The following RAB12 variants were observed in gnomAD, a reference collection of about 807,000 sequenced individuals.
The protein encoded by RAB12 is ras-related protein Rab-12.
A neutral mutation model predicts 28.4 loss-of-function variants in RAB12; 11 were observed. The observed-to-expected ratio is 0.39, with a 90% CI of 0.24 to 0.64. RAB12 has a LOEUF of 0.64. RAB12 is among the 30% of genes least tolerant of loss of function. The probability of loss-of-function intolerance (pLI) is 0.50; values close to 1 mark genes in which losing one functional copy is unlikely to be tolerated. For synonymous variants in RAB12, 138 were observed against 145.3 expected (o/e 0.95, Z 0.36); for missense variants, 276 against 351.1 (o/e 0.79, Z 1.71).
At position 8,639,057 on chromosome 18, in the gene RAB12, G is replaced by A. The variant is rs2096020600; in HGVS notation, c.*795G>A. 7.0e-6 allele frequency: 1 copy of A among 143,600 alleles called. No individual in the cohort carries two copies. Among genetic ancestry groups the A allele is most frequent in the African/African-American group, 2.6e-5 (1 of 38,988 alleles). 8.9% of individuals were successfully genotyped at this position (143,600 alleles called of 1,614,324 possible). ...TTTTACTATATCAAAGAACATACGTGTATTTGCCTAAACACTCTGTACCTT... is the reference window on the plus strand; with the variant it reads ...TTTTACTATATCAAAGAACATACGTATATTTGCCTAAACACTCTGTACCTT... On this transcript the variant is annotated 3_prime_UTR_variant, in exon 6 of 6. Coordinates refer to ENST00000649141, the MANE Select transcript of RAB12 (RefSeq NM_001025300.3).
At chr18:8,611,037 T>A (rs2096003497) in intron 1 of RAB12, among the ~76,000 whole-genome samples, 1 of 152,214 alleles carries the variant, frequency 6.6e-6, no homozygotes, top group South Asian at 2.1e-4. Flanking sequence ...AAGTGAAACC[T>A]CCAATTTTTG....
intron 2 of RAB12, among the ~76,000 whole-genome samples, chr18:8,625,753 T>C (rs2148709359): frequency 6.6e-6 from 1 of 152,358 alleles, no homozygotes; most frequent in Non-Finnish European, 1.5e-5. Flanking sequence ...CGTTTTGTTT[T>C]GAATGCTACA....
chr18:8,630,414 C>T (rs75569973), intron 2 of RAB12, among the ~76,000 whole-genome samples: 2,225 of 152,274 alleles, frequency 0.015, 58 homozygotes, highest in African/African-American at 0.05. Context: ...TAGGTTTTAT[C>T]ATGTAGATGA....
At chr18:8,625,831 A>G (rs902326425) in intron 2 of RAB12, among the ~76,000 whole-genome samples, 3 of 152,086 alleles carry the variant, frequency 2.0e-5, no homozygotes, top group Middle Eastern at 3.2e-3. Context: ...TTTGTCCACC[A>G]TGTGTGTGTT....
intron 4 of RAB12, 43 bp from the exon 5 acceptor site, chr18:8,636,210 G>A (rs1044783348): frequency 1.5e-6 from 2 of 1,368,742 alleles, no homozygotes; most frequent in African/African-American, 2.8e-5. Flanking sequence ...ACGCTGGTCT[G>A]TGAGGCCCCA....
In RAB12 at chr18:8,636,289, G is replaced by A. The variant is rs778063817; in HGVS notation, c.841G>A (p.Ala281Thr). 6.2e-7 allele frequency: 1 copy of A among 1,613,774 alleles called. No homozygotes were observed. Among genetic ancestry groups the A allele is most frequent in the South Asian group, 1.1e-5 (1 of 91,070 alleles). ...QQITGMRFCE[A>T]SAKDNFNVDE... Reference sequence around the variant, plus strand: ...GATCACTGGGATGCGGTTCTGTGAAGCAAGTGCCAAGGATAACTTCAATGT... The same window carrying A: ...GATCACTGGGATGCGGTTCTGTGAAACAAGTGCCAAGGATAACTTCAATGT... Residue 281 changes from alanine (A) to threonine (T), a missense_variant, in exon 5 of 6, where the codon GCA becomes ACA. Physicochemically the swap from Ala to Thr is moderately conservative, Grantham distance 58. Around this residue, in one of 4 missense-constraint regions of RAB12, gnomAD observed 127 missense variants for 161.4 expected, o/e 0.79. Coordinates refer to ENST00000649141, the MANE Select transcript of RAB12 (RefSeq NM_001025300.3).
chr18:8,630,170 G>A (rs1326936151), intron 2 of RAB12, among the ~76,000 whole-genome samples: 1 of 152,222 alleles, frequency 6.6e-6, no homozygotes, highest in Non-Finnish European at 1.5e-5. Flanking sequence ...CTGACAACCT[G>A]TGCCCAAAGT....
At chr18:8,612,560 G>A (rs1359513530) in intron 1 of RAB12, among the ~76,000 whole-genome samples, 1 of 152,244 alleles carries the variant, frequency 6.6e-6, no homozygotes, top group African/African-American at 2.4e-5. Context: ...TCACAGCATG[G>A]CCCAGGGAAG....
intron 1 of RAB12, among the ~76,000 whole-genome samples, chr18:8,620,164 T>TTTTTTTAA (rs1241560251): frequency 1.8e-5 from 1 of 55,348 alleles, no homozygotes; most frequent in African/African-American, 1.0e-4. Context: ...TTTTTTTGCT[T>TTTTTTTAA]CAAAAAAAAA....
chr18:8,611,687 A>C (rs1009506648), intron 1 of RAB12, among the ~76,000 whole-genome samples: 1 of 152,276 alleles, frequency 6.6e-6, no homozygotes, highest in East Asian at 1.9e-4. Flanking sequence ...GCAGAGTTGC[A>C]TAGGATGTTT....
chr18:8,631,145 T>C (rs1303884401), intron 2 of RAB12, among the ~76,000 whole-genome samples: 2 of 152,206 alleles, frequency 1.3e-5, no homozygotes, highest in Non-Finnish European at 2.9e-5. Flanking sequence ...CCACCTCAGC[T>C]TCACAAATTG....
At chr18:8,617,135 C>T (rs1347812562) in intron 1 of RAB12, among the ~76,000 whole-genome samples, 1 of 152,180 alleles carries the variant, frequency 6.6e-6, no homozygotes, top group Non-Finnish European at 1.5e-5. Context: ...ACACTTTCTT[C>T]ACATCTCACA....
chr18:8,622,408 T>G (rs192479681), intron 1 of RAB12, among the ~76,000 whole-genome samples: 1 of 152,216 alleles, frequency 6.6e-6, no homozygotes, highest in Admixed American at 6.5e-5. Context: ...AGAGAGAAAT[T>G]TTAAAGCTGG....
At chr18:8,625,537 C>G (rs1184965566) in intron 2 of RAB12, among the ~76,000 whole-genome samples, 2 of 152,170 alleles carry the variant, frequency 1.3e-5, no homozygotes, top group Non-Finnish European at 2.9e-5. Flanking sequence ...GAAATGAATC[C>G]AGGCCCCTTT....
At chr18:8,636,485 G>T (rs1241074801) in intron 5 of RAB12, 128 bp downstream of exon 5, 3 of 619,324 alleles carry the variant, frequency 4.8e-6, no homozygotes, top group Non-Finnish European at 8.2e-6. Context: ...GCAAGAACCA[G>T]GTATGGTTGT....
At chr18:8,610,492 C>T (rs2096003186) in intron 1 of RAB12, among the ~76,000 whole-genome samples, 1 of 152,222 alleles carries the variant, frequency 6.6e-6, no homozygotes. Flanking sequence ...ACGTACGGGG[C>T]AGAGGAGCTT....
At chr18:8,630,283 CA>C (rs1327364088) in intron 2 of RAB12, among the ~76,000 whole-genome samples, 1 of 152,154 alleles carries the variant, frequency 6.6e-6, no homozygotes, top group African/African-American at 2.4e-5. Flanking sequence ...TGAGACAGCT[CA>C]AAGGGGCTGG....
At position 8,609,741 on chromosome 18, in the gene RAB12, C is replaced by G. The variant is rs2096002601; in HGVS notation, c.302C>G (p.Ala101Gly). The change falls in exon 1 of 6, where the codon GCC becomes GGC. Residue 101 changes from alanine to glycine, a missense_variant. Physicochemically the swap from Ala to Gly is moderately conservative, Grantham distance 60 (BLOSUM62 0). This residue lies in a region of RAB12 where 72 missense variants were observed against 55.5 expected (regional missense o/e 1.30). Coordinates refer to ENST00000649141, the MANE Select transcript of RAB12 (RefSeq NM_001025300.3). ...REPHACMDPG[A>G]ALQRRAGGGG... ...CCGCATGCGTGTATGGATCCGGGCGCCGCGCTGCAGAGGCGGGCCGGGGGC... is the reference window on the plus strand; with the variant it reads ...CCGCATGCGTGTATGGATCCGGGCGGCGCGCTGCAGAGGCGGGCCGGGGGC... 1 of 1,187,380 alleles carries G rather than the reference C, an allele frequency of 8.4e-7. No individual in the cohort carries two copies. Among genetic ancestry groups the G allele is most frequent in the African/African-American group, 1.6e-5 (1 of 61,570 alleles). The allele number at this position is 1,187,380 out of a possible 1,614,324, so 73.6% of individuals were successfully genotyped here.
chr18:8,632,120 A>G (rs185522927), intron 2 of RAB12, among the ~76,000 whole-genome samples: 157 of 152,060 alleles, frequency 1.0e-3, no homozygotes, highest in African/African-American at 3.4e-3. Flanking sequence ...TGTCTCTACT[A>G]AAAATATATT....
Sources: gnomAD v4.1 joint callset for allele counts (sites outside exome capture counted in the v4.1 genomes callset) on GRCh38, gnomAD v4.1.1 for gene constraint, gnomAD v4.1.1 regional missense constraint, MANE v1.5 for transcripts, NCBI Gene and HGNC (gene_info 2026-07-23, HGNC 2026-07-21) for gene names.